Variants in NTM observed in about 807,000 individuals in gnomAD.
NTM encodes neurotrimin.
In NTM, 13 loss-of-function variants were observed where a neutral mutation model predicts 42.1. That is an observed-to-expected ratio of 0.31 (90% CI 0.20 to 0.49). The LOEUF (loss-of-function observed/expected upper bound fraction) is 0.49. Ranked by LOEUF, NTM falls within the 20% of genes least tolerant of loss-of-function variation. The probability of loss-of-function intolerance (pLI) is 0.99; values close to 1 mark genes in which losing one functional copy is unlikely to be tolerated. For synonymous variants in NTM, 187 were observed against 179.2 expected (o/e 1.04, Z -0.35); for missense variants, 373 against 452.8 (o/e 0.82, Z 1.60).
chr11:131,458,105 G>A lies in NTM; in HGVS notation c.82+87217G>A, dbSNP rs190587184. On this transcript the variant is annotated intron_variant, in intron 1 of 8. Coordinates refer to ENST00000683400, the MANE Select transcript of NTM (RefSeq NM_001352005.2). ...GGGATGAGTGTGAGTAGAGAGGGAAGAAGTTTGATTACTGAGCCTGGAGTT... is the reference window on the plus strand; with the variant it reads ...GGGATGAGTGTGAGTAGAGAGGGAAAAAGTTTGATTACTGAGCCTGGAGTT... 1.3e-4 allele frequency among the ~76,000 whole-genome samples: 20 copies of A among 152,338 alleles called. No individual in the cohort carries two copies. In the East Asian group the frequency reaches 2.5e-3, roughly 19 times the overall value.
At chr11:132,233,584 G>C (rs1047474947) in intron 4 of NTM, among the ~76,000 whole-genome samples, 3 of 152,186 alleles carry the variant, frequency 2.0e-5, no homozygotes, top group Non-Finnish European at 4.4e-5. Flanking sequence ...TGAAATTAAA[G>C]TGTCATTGTC....
intron 7 of NTM, among the ~76,000 whole-genome samples, chr11:132,326,525 C>A (rs963548761): frequency 1.3e-4 from 20 of 152,336 alleles, no homozygotes; most frequent in African/African-American, 4.8e-4. Flanking sequence ...GGGCTGCTCA[C>A]TTCTCTCCTG....
intron 2 of NTM, among the ~76,000 whole-genome samples, chr11:132,023,730 T>TTGGTTTTGTTGTTGGTGG (rs1166045192): frequency 6.6e-6 from 1 of 151,038 alleles, no homozygotes; most frequent in African/African-American, 2.5e-5. Context: ...GTTGTTGTTG[T>TTGGTTTTGTTGTTGGTGG]TGGTTTTGTT....
rs568340416 is a variant in NTM, at chr11:131,424,718, C to T, written c.82+53830C>T. ...GGGACTGCAGGCACCCACCACCATG[C>T]CTGGCTAATTTTTTTTTTTTTTTTG... On this transcript the variant is annotated intron_variant, in intron 1 of 8. Coordinates refer to ENST00000683400, the MANE Select transcript of NTM (RefSeq NM_001352005.2). 4.9e-5 allele frequency among the ~76,000 whole-genome samples: 6 copies of T among 122,670 alleles called. No homozygotes were observed. The South Asian group carries it at 1.4e-3, about 28-fold the overall frequency. The allele number at this position is 122,670 out of a possible 152,430, so 80.5% of individuals were successfully genotyped here. A position where few individuals can be genotyped will look rare whatever the true frequency, so the allele number is the denominator to read the frequency against.
At chr11:131,691,558 G>GCCCC (rs11434770) in intron 1 of NTM, among the ~76,000 whole-genome samples, 1 of 143,096 alleles carries the variant, frequency 7.0e-6, no homozygotes, top group African/African-American at 2.9e-5. Flanking sequence ...TTCCCTGAAA[G>GCCCC]CCCCCCCCCG....
At chr11:131,708,267 T>A (rs1437078991) in intron 1 of NTM, among the ~76,000 whole-genome samples, 1 of 152,132 alleles carries the variant, frequency 6.6e-6, no homozygotes, top group Admixed American at 6.6e-5. Flanking sequence ...ACTGAAAATA[T>A]GAAGAGCTAG....
intron 3 of NTM, among the ~76,000 whole-genome samples, chr11:132,163,570 G>C (rs1468398970): frequency 6.6e-6 from 1 of 152,206 alleles, no homozygotes; most frequent in Non-Finnish European, 1.5e-5. Context: ...ACTAACCCAA[G>C]GAAGGTTGCA....
Position 131,614,754 on chromosome 11 carries a change from A to C in NTM, c.82+243866A>C, listed in dbSNP as rs149634103. ...CTTACACTCTCAGGTCTCAGAGCACATAAAACTGTTGCAGCTGCATATTGT... is the reference window on the plus strand; with the variant it reads ...CTTACACTCTCAGGTCTCAGAGCACCTAAAACTGTTGCAGCTGCATATTGT... On this transcript the variant is annotated intron_variant, in intron 1 of 8. Transcript: ENST00000683400. Among the ~76,000 whole-genome samples the C allele has an allele frequency of 1.6e-4, 24 of 152,366 alleles. No homozygotes were observed. The East Asian group carries it at 4.2e-3, about 27-fold the overall frequency.
chr11:131,992,606 T>G (rs568659787), intron 2 of NTM, among the ~76,000 whole-genome samples: 88 of 152,188 alleles, frequency 5.8e-4, no homozygotes, highest in Non-Finnish European at 1.1e-3. Flanking sequence ...GCAGAACTGC[T>G]TACTCTACTT....
Position 131,763,787 on chromosome 11 carries a change from T to C in NTM, c.83-147777T>C, listed in dbSNP as rs568920680. On this transcript the variant is annotated intron_variant, in intron 1 of 8. Coordinates refer to ENST00000683400, the MANE Select transcript of NTM (RefSeq NM_001352005.2). ...CCTCCATTCTGTACGCTGCTTTATA[T>C]AGTGCATGTCCCTGTAGTTCCAGGA... Among the ~76,000 whole-genome samples, 180 of 148,764 alleles carry C rather than the reference T, an allele frequency of 1.2e-3. 2 individuals are homozygous for C. In the South Asian group the frequency reaches 0.037, roughly 31 times the overall value.
chr11:132,303,994 T>C (rs1380312721), intron 4 of NTM, among the ~76,000 whole-genome samples: 3 of 152,208 alleles, frequency 2.0e-5, no homozygotes, highest in East Asian at 3.9e-4. Context: ...TACCCCATCA[T>C]GAAACTAGAG....
At chr11:132,202,369 C>G (rs1371784041) in intron 3 of NTM, among the ~76,000 whole-genome samples, 1 of 152,138 alleles carries the variant, frequency 6.6e-6, no homozygotes, top group Non-Finnish European at 1.5e-5. Flanking sequence ...ATCTATCCTC[C>G]CTTCGTGAAC....
At chr11:131,584,220 C>T (rs7945495) in intron 1 of NTM, among the ~76,000 whole-genome samples, 92,238 of 152,058 alleles carry the variant, frequency 0.61, 28,237 homozygotes, top group South Asian at 0.68. Flanking sequence ...ACGTCCCCAT[C>T]GCATAAAACC....
At chr11:131,518,603 T>C (rs568333029) in intron 1 of NTM, among the ~76,000 whole-genome samples, 1 of 152,310 alleles carries the variant, frequency 6.6e-6, no homozygotes, top group African/African-American at 2.4e-5. Context: ...TCATTCAAAA[T>C]TGATGCTGTG....
At chr11:131,979,581 A>G (rs1338961814) in intron 2 of NTM, among the ~76,000 whole-genome samples, 1 of 152,176 alleles carries the variant, frequency 6.6e-6, no homozygotes. Flanking sequence ...TTAAGATATG[A>G]TCTGCCAGTC....
intron 1 of NTM, among the ~76,000 whole-genome samples, chr11:131,789,617 A>AAGAAGAAGAAGAAGAAGAAGG (rs2090423203): frequency 1.2e-5 from 1 of 83,066 alleles, no homozygotes; most frequent in Non-Finnish European, 2.4e-5. Context: ...GAAGAAGAAG[A>AAGAAGAAGAAGAAGAAGAAGG]AGAAGAAGAA....
intron 1 of NTM, among the ~76,000 whole-genome samples, chr11:131,789,566 A>G (rs1315521156): frequency 5.5e-4 from 21 of 37,962 alleles, no homozygotes; most frequent in East Asian, 2.1e-3. Context: ...GAAGAAGAAG[A>G]AGAAGAAGAA....
In NTM at chr11:131,447,090, G is replaced by A. The variant is rs563728620; in HGVS notation, c.82+76202G>A. Among the ~76,000 whole-genome samples the A allele has an allele frequency of 2.6e-5, 4 of 152,356 alleles. No individual in the cohort carries two copies. The South Asian group carries it at 8.3e-4, about 32-fold the overall frequency. On this transcript the variant is annotated intron_variant, in intron 1 of 8. Coordinates refer to ENST00000683400, the MANE Select transcript of NTM (RefSeq NM_001352005.2). ...TTACATGACCCAGGCTAAGGCTGCT[G>A]CTTATTAGCATGGGTCATTGAGCTG...
chr11:131,654,831 C>T (rs1041868057), intron 1 of NTM, among the ~76,000 whole-genome samples: 6 of 152,176 alleles, frequency 3.9e-5, no homozygotes, highest in African/African-American at 4.8e-5. Context: ...GGCATTGGAG[C>T]CACGCTACTT....
Sources: allele counts gnomAD v4.1 joint callset (sites outside exome capture counted in the v4.1 genomes callset), GRCh38; gene constraint gnomAD v4.1.1; transcripts MANE v1.5; gene names NCBI Gene and HGNC (gene_info 2026-07-23, HGNC 2026-07-21).